Variants in SAR1B observed in about 807,000 individuals in gnomAD.
The protein encoded by SAR1B is secretion associated Ras related GTPase 1B, also known as small COPII coat GTPase SAR1B.
In SAR1B, 23 loss-of-function variants were observed where a neutral mutation model predicts 26.8. The observed-to-expected ratio is 0.86, with a 90% CI of 0.62 to 1.22. The LOEUF (loss-of-function observed/expected upper bound fraction) is 1.22, where lower values mean the gene tolerates loss of function less well. Ranked by LOEUF, SAR1B falls within the 50% of genes most tolerant of loss-of-function variation. The pLI is 0.00. For missense variants in SAR1B, 196 were observed against 232.8 expected (o/e 0.84, Z 1.03); for synonymous variants, 65 against 80.8 (o/e 0.80, Z 1.05).
At chr5:134,622,891 G>C (rs1220745913) in intron 2 of SAR1B, among the ~76,000 whole-genome samples, 2 of 150,910 alleles carry the variant, frequency 1.3e-5, no homozygotes, top group Non-Finnish European at 3.0e-5. Context: ...GGAGTCCAAG[G>C]CAGGTGGAAC....
chr5:134,619,841 A>G (rs1765375974), intron 3 of SAR1B, among the ~76,000 whole-genome samples: 1 of 152,084 alleles, frequency 6.6e-6, no homozygotes, highest in Non-Finnish European at 1.5e-5. Flanking sequence ...AAAATAGTAC[A>G]TGGTGCAATG....
intron 2 of SAR1B, 147 bp from the exon 3 acceptor site, chr5:134,621,199 G>A: frequency 1.1e-6 from 1 of 873,028 alleles, no homozygotes; most frequent in Non-Finnish European, 1.8e-6. Context: ...GCCGGGCACG[G>A]TGGCTCACAC....
intron 3 of SAR1B, among the ~76,000 whole-genome samples, chr5:134,615,537 C>CG (rs1377750254): frequency 6.6e-6 from 1 of 150,770 alleles, no homozygotes; most frequent in Non-Finnish European, 1.5e-5. Flanking sequence ...AATTCTGGGC[C>CG]GGGGGCGGTG....
At chr5:134,630,889 C>CTTTTTTTTTTTTTTTTTTTTTTTTT (rs781218368) in intron 1 of SAR1B, among the ~76,000 whole-genome samples, 7 of 69,122 alleles carry the variant, frequency 1.0e-4, no homozygotes, top group Non-Finnish European at 1.7e-4. Context: ...CTTTTTTTTT[C>CTTTTTTTTTTTTTTTTTTTTTTTTT]TTTTTTTTTT....
intron 3 of SAR1B, among the ~76,000 whole-genome samples, chr5:134,619,452 T>G (rs1765368056): frequency 6.6e-6 from 1 of 151,730 alleles, no homozygotes; most frequent in African/African-American, 2.4e-5. Context: ...CTTGAACACC[T>G]AGGGTCAAGT....
At chr5:134,611,948 A>G (rs1308817570) in intron 4 of SAR1B, among the ~76,000 whole-genome samples, 1 of 152,206 alleles carries the variant, frequency 6.6e-6, no homozygotes, top group Non-Finnish European at 1.5e-5. Context: ...GGATTGCTTG[A>G]GCCCAGGAGT....
intron 1 of SAR1B, among the ~76,000 whole-genome samples, chr5:134,625,612 G>C (rs1013539720): frequency 6.6e-6 from 1 of 152,182 alleles, no homozygotes; most frequent in African/African-American, 2.4e-5. Context: ...CCAGCAAAGT[G>C]GAAGAGAATA....
chr5:134,630,049 G>A lies in SAR1B; in HGVS notation c.-19+2679C>T, dbSNP rs1050277265. ...AGGCCAAGGCAGGCAGATCACTTGA[G>A]GTCAGGAGTTCGAGACCAGCCTGGC... On this transcript the variant is annotated intron_variant, in intron 1 of 6. Transcript: ENST00000402673. Among the ~76,000 whole-genome samples, 12 of 152,120 alleles carry A rather than the reference G, an allele frequency of 7.9e-5. 1 individual carries two copies. The highest frequency in any genetic ancestry group is 1.8e-4 in the Non-Finnish European group (12 of 68,014).
chr5:134,629,964 A>G (rs1765571887), intron 1 of SAR1B, among the ~76,000 whole-genome samples: 1 of 152,070 alleles, frequency 6.6e-6, no homozygotes, highest in African/African-American at 2.4e-5. Context: ...AAAATTTTTA[A>G]GAGTGGCCAA....
intron 1 of SAR1B, among the ~76,000 whole-genome samples, chr5:134,630,682 C>T (rs1765584644): frequency 6.7e-6 from 1 of 149,706 alleles, no homozygotes; most frequent in African/African-American, 2.4e-5. Context: ...ACTTGAGAGG[C>T]TGAGGCAGGA....
In SAR1B at chr5:134,612,683, A is replaced by AAAAAAAAAAAAAAAAAAAAT; in HGVS notation, c.244+7_244+8insATTTTTTTTTTTTTTTTTTT. 2 of 1,055,246 alleles carry AAAAAAAAAAAAAAAAAAAAT rather than the reference A, an allele frequency of 1.9e-6. No individual in the cohort carries two copies. Among genetic ancestry groups the AAAAAAAAAAAAAAAAAAAAT allele is most frequent in the East Asian group, 3.2e-5 (1 of 31,390 alleles). 65.4% of individuals were successfully genotyped at this position (1,055,246 alleles called of 1,614,324 possible). A position where few individuals can be genotyped will look rare whatever the true frequency, so the allele number is the denominator to read the frequency against. On this transcript the variant is annotated splice_region_variant and intron_variant, in intron 4 of 6. Coordinates refer to ENST00000402673, the MANE Select transcript of SAR1B (RefSeq NM_016103.4). ...AAAAAAAAAAAAAAAAAAAAAAAAG[A>AAAAAAAAAAAAAAAAAAAAT]ATCTTACCTTGAACATGTCCACCCA...
At chr5:134,623,571 A>G (rs1010010302) in intron 2 of SAR1B, among the ~76,000 whole-genome samples, 1 of 151,478 alleles carries the variant, frequency 6.6e-6, no homozygotes, top group Non-Finnish European at 1.5e-5. Flanking sequence ...ACTGCTATTT[A>G]TGGTGTACAA....
rs1473442910 is a variant in SAR1B, at chr5:134,605,978, G to A, written c.*972C>T. 1.3e-5 allele frequency: 2 copies of A among 152,196 alleles called. No homozygotes were observed. Among genetic ancestry groups the A allele is most frequent in the African/African-American group, 2.4e-5 (1 of 41,434 alleles). The allele number at this position is 152,196 out of a possible 1,614,324, so 9.4% of individuals were successfully genotyped here. ...ACAGAGACTGGGAATATATCTAAAT[G>A]TGGAGACACTGGTGCCTGTCATTGC... On this transcript the variant is annotated 3_prime_UTR_variant, in exon 7 of 7. Transcript: ENST00000402673.
At chr5:134,613,871 T>C (rs747655420) in intron 3 of SAR1B, 2 of 152,246 alleles carry the variant, frequency 1.3e-5, no homozygotes, top group African/African-American at 2.4e-5. Context: ...TCACCAGTCA[T>C]TGAGGCTCTG....
chr5:134,618,630 T>G (rs1765351678), intron 3 of SAR1B, among the ~76,000 whole-genome samples: 1 of 152,236 alleles, frequency 6.6e-6, no homozygotes, highest in Non-Finnish European at 1.5e-5. Context: ...TTCTAATAAT[T>G]TACCCACTTT....
At chr5:134,621,281 C>A (rs921845324) in intron 2 of SAR1B, among the ~76,000 whole-genome samples, 3 of 152,024 alleles carry the variant, frequency 2.0e-5, no homozygotes, top group Non-Finnish European at 4.4e-5. Context: ...ACCAGCCTGG[C>A]CAACACGGTG....
At chr5:134,622,231 T>C (rs1765421636) in intron 2 of SAR1B, among the ~76,000 whole-genome samples, 1 of 152,164 alleles carries the variant, frequency 6.6e-6, no homozygotes. Flanking sequence ...CCTAATCTTT[T>C]AGTTTTGGGG....
chr5:134,608,361 T>A lies in SAR1B; in HGVS notation c.480+11A>T. ...TAAACACACCCATCATAATTTTTTT[T>A]TTTTTTTTACCTTTCCTGTTGTCTG... On this transcript the variant is annotated intron_variant, in intron 6 of 6. Coordinates refer to ENST00000402673, the MANE Select transcript of SAR1B (RefSeq NM_016103.4). 6.5e-7 allele frequency: 1 copy of A among 1,549,736 alleles called. No individual in the cohort carries two copies. The highest frequency in any genetic ancestry group is 8.7e-7 in the Non-Finnish European group (1 of 1,147,880).
At chr5:134,618,363 CCTCA>C (rs1210843367) in intron 3 of SAR1B, 2 of 152,104 alleles carry the variant, frequency 1.3e-5, no homozygotes, top group Admixed American at 6.6e-5. Context: ...CCTTTTCCAA[CCTCA>C]CTAATTGTTT....
Sources: gnomAD v4.1 joint callset for allele counts (sites outside exome capture counted in the v4.1 genomes callset) on GRCh38, gnomAD v4.1.1 for gene constraint, MANE v1.5 for transcripts, NCBI Gene and HGNC (gene_info 2026-07-23, HGNC 2026-07-21) for gene names.